Variants in ZBBX observed in about 807,000 individuals in gnomAD.
The protein encoded by ZBBX is zinc finger B-box domain containing.
ZBBX carries 101 observed loss-of-function variants against 108.5 expected under a neutral mutation model. The ratio of observed to expected loss-of-function variants is 0.93; its 90% confidence interval spans 0.79 to 1.10. The LOEUF (loss-of-function observed/expected upper bound fraction) is 1.10, where lower values mean the gene tolerates loss of function less well. Ranked by LOEUF, ZBBX falls within the 50% of genes least tolerant of loss-of-function variation. ZBBX has a pLI of 0.00. For synonymous variants in ZBBX, 356 were observed against 323.4 expected (o/e 1.10, Z -1.08); for missense variants, 1,009 against 941.4 (o/e 1.07, Z -0.94).
At chr3:167,239,442 T>A (rs1720370117), downstream of ZBBX, among the ~76,000 whole-genome samples, 1 of 152,044 alleles carries the variant, frequency 6.6e-6, no homozygotes, top group Admixed American at 6.6e-5. Flanking sequence ...ATATCCTTTT[T>A]TTTCTCGCCC....
chr3:167,236,024 C>T (rs931842966), downstream of ZBBX, among the ~76,000 whole-genome samples: 23 of 151,550 alleles, frequency 1.5e-4, no homozygotes, highest in Non-Finnish European at 1.9e-4. Flanking sequence ...CCTATAATAA[C>T]GTATTTTAGG....
intron 1 of ZBBX, among the ~76,000 whole-genome samples, chr3:167,400,763 T>C (rs1467117769): frequency 6.6e-6 from 1 of 151,986 alleles, no homozygotes; most frequent in Non-Finnish European, 1.5e-5. Flanking sequence ...AGTCAACATA[T>C]GTAAGATGAA....
At chr3:167,202,942 G>C in the ZBBX span, among the ~76,000 whole-genome samples, 1 of 152,182 alleles carries the variant, frequency 6.6e-6, no homozygotes. Context: ...ATAGGGAATA[G>C]TTCATTAAAG....
chr3:167,258,240 T>C (rs1226394251), intron 20 of ZBBX, among the ~76,000 whole-genome samples: 1 of 152,110 alleles, frequency 6.6e-6, no homozygotes, highest in African/African-American at 2.4e-5. Context: ...AGTGTGAAGA[T>C]TCCTTTAAGA....
the ZBBX span, among the ~76,000 whole-genome samples, chr3:167,222,350 A>G: frequency 4.5e-3 from 685 of 152,086 alleles, 3 homozygotes; most frequent in African/African-American, 0.016. Context: ...TATGAGATCT[A>G]AAAATCAAAA....
the ZBBX span, among the ~76,000 whole-genome samples, chr3:167,221,576 G>A: frequency 1.3e-5 from 2 of 151,832 alleles, no homozygotes; most frequent in African/African-American, 4.8e-5. Context: ...TACAATTAGA[G>A]ATTTTGAAAA....
At chr3:167,365,590 A>G (rs1458354589) in intron 6 of ZBBX, among the ~76,000 whole-genome samples, 1 of 151,512 alleles carries the variant, frequency 6.6e-6, no homozygotes, top group East Asian at 1.9e-4. Flanking sequence ...AGAAGTATTT[A>G]GTTCTATTTT....
At chr3:167,204,905 A>G in the ZBBX span, among the ~76,000 whole-genome samples, 2 of 131,582 alleles carry the variant, frequency 1.5e-5, no homozygotes, top group South Asian at 5.1e-4. Flanking sequence ...AACTCAGACC[A>G]AAAAAAAAAA....
At chr3:167,404,660 C>A (rs980670703) in intron 1 of ZBBX, among the ~76,000 whole-genome samples, 8 of 152,202 alleles carry the variant, frequency 5.3e-5, no homozygotes, top group Admixed American at 1.3e-4. Flanking sequence ...ATGTAAGTTT[C>A]TCAAGCTTCA....
chr3:167,302,697 A>G (rs975487771), intron 17 of ZBBX, among the ~76,000 whole-genome samples: 6 of 152,196 alleles, frequency 3.9e-5, no homozygotes, highest in African/African-American at 1.4e-4. Flanking sequence ...CGAAGACACA[A>G]GACTCCTTGG....
rs559076783 is a variant in ZBBX at position 167,276,563 on chromosome 3, G to A, written c.2254+5675C>T. 7.0e-3 allele frequency among the ~76,000 whole-genome samples: 1,065 copies of A among 152,166 alleles called. 12 individuals are homozygous for A. Among genetic ancestry groups the A allele is most frequent in the African/African-American group, 0.024 (1,014 of 41,526 alleles). On this transcript the variant is annotated intron_variant, in intron 20 of 21. Transcript: ENST00000675490. ...TAGAGAAAAAAGAATAAAAAGAAAC[G>A]AGCAAAGCCTCCAAGAAATATGGGA...
rs778804845 is a variant in ZBBX at position 167,317,039 on chromosome 3, G to A, written c.1160C>T (p.Pro387Leu). The A allele has an allele frequency of 6.2e-7, 1 of 1,609,920 alleles. No homozygotes were observed. The highest frequency in any genetic ancestry group is 1.1e-5 in the South Asian group (1 of 90,764). Residue 387 changes from proline to leucine, a missense_variant, in exon 14 of 22, where the codon CCT becomes CTT. Coordinates refer to ENST00000675490, the MANE Select transcript of ZBBX (RefSeq NM_001199201.2). Reference protein sequence around the residue: ...LPVETLNIERPEPSLKIVELD... With the variant: ...LPVETLNIERLEPSLKIVELD... ...TTCGACTATCTTTAGAGATGGTTCA[G>A]GTCTCTCTATGTTTAATGTTTCTAC...
chr3:167,383,012 T>C (rs944835715), upstream of ZBBX, among the ~76,000 whole-genome samples: 1 of 152,186 alleles, frequency 6.6e-6, no homozygotes. Context: ...GAACCAGCTT[T>C]ACCATTCTAA....
intron 19 of ZBBX, 108 bp downstream of exon 19, chr3:167,288,759 C>A: frequency 3.9e-6 from 2 of 515,618 alleles, no homozygotes; most frequent in East Asian, 3.3e-5. Context: ...ATTTAAATTA[C>A]AGAACTTCAA....
chr3:167,384,117 A>G (rs1375356801), upstream of ZBBX, among the ~76,000 whole-genome samples: 1 of 152,126 alleles, frequency 6.6e-6, no homozygotes, highest in Non-Finnish European at 1.5e-5. Flanking sequence ...CAGATCTTTA[A>G]GCATCTCAGT....
intron 1 of ZBBX, among the ~76,000 whole-genome samples, chr3:167,395,847 A>T (rs1350115442): frequency 1.3e-5 from 2 of 151,976 alleles, no homozygotes; most frequent in Non-Finnish European, 2.9e-5. Context: ...CATGTAGCCT[A>T]CTTTGGTTTG....
chr3:167,211,285 A>C, the ZBBX span, among the ~76,000 whole-genome samples: 1 of 152,178 alleles, frequency 6.6e-6, no homozygotes, highest in South Asian at 2.1e-4. Context: ...TAGGGCCTTC[A>C]GTCTTTATTC....
upstream of ZBBX, among the ~76,000 whole-genome samples, chr3:167,380,868 A>G (rs770248081): frequency 2.0e-5 from 2 of 99,628 alleles, no homozygotes; most frequent in Non-Finnish European, 3.9e-5. Flanking sequence ...AAATATATGC[A>G]CACACACACA....
chr3:167,308,831 G>A (rs1734100816), intron 16 of ZBBX, among the ~76,000 whole-genome samples: 1 of 152,032 alleles, frequency 6.6e-6, no homozygotes, highest in Non-Finnish European at 1.5e-5. Context: ...AGAGGAGCAG[G>A]AAAAATCACT....
Sources: allele counts gnomAD v4.1 joint callset (sites outside exome capture counted in the v4.1 genomes callset), GRCh38; gene constraint gnomAD v4.1.1; transcripts MANE v1.5; gene names NCBI Gene and HGNC (gene_info 2026-07-23, HGNC 2026-07-21).